TCP11L1: variants seen among roughly 807,000 people sequenced by gnomAD.
TCP11L1 encodes T-complex protein 11-like protein 1.
TCP11L1 carries 28 observed loss-of-function variants against 48.9 expected under a neutral mutation model. The observed-to-expected ratio is 0.57, with a 90% CI of 0.42 to 0.78. The LOEUF is 0.78. TCP11L1 is among the 30% of genes least tolerant of loss of function. The probability of loss-of-function intolerance (pLI) is 0.00; values close to 1 mark genes in which losing one functional copy is unlikely to be tolerated. For synonymous variants in TCP11L1, 204 were observed against 231.9 expected (o/e 0.88, Z 1.09); for missense variants, 505 against 613.4 (o/e 0.82, Z 1.87).
chr11:33,062,315 C>T (rs1055798267), intron 7 of TCP11L1, among the ~76,000 whole-genome samples: 15 of 142,338 alleles, frequency 1.1e-4, no homozygotes, highest in East Asian at 2.3e-4. Flanking sequence ...CTCCCTCCAA[C>T]GCCTGAAGCC....
At chr11:33,067,857 CT>C (rs901160525) in intron 8 of TCP11L1, among the ~76,000 whole-genome samples, 6 of 150,954 alleles carry the variant, frequency 4.0e-5, no homozygotes, top group Admixed American at 1.3e-4. Flanking sequence ...TCCAGGTACT[CT>C]TTTTTTTTAA....
chr11:33,072,825 A>C lies in TCP11L1; in HGVS notation c.*149A>C, dbSNP rs1332854858. On this transcript the variant is annotated 3_prime_UTR_variant, in exon 10 of 10. Transcript: ENST00000334274. The stretch of plus-strand genomic sequence containing the variant: ...GAAGAATATTGTGTATCACTGTTGA[A>C]AAGACTTGTTGAGAAATCCACTGAA... The C allele has an allele frequency of 2.4e-6, 2 of 832,640 alleles. No homozygotes were observed. Among genetic ancestry groups the C allele is most frequent in the Non-Finnish European group, 3.7e-6 (2 of 533,998 alleles). 51.6% of individuals were successfully genotyped at this position (832,640 alleles called of 1,614,324 possible). A position where few individuals can be genotyped will look rare whatever the true frequency, so the allele number is the denominator to read the frequency against.
intron 3 of TCP11L1, chr11:33,056,719 C>T (rs1478254993): frequency 8.4e-6 from 2 of 239,404 alleles, no homozygotes; most frequent in South Asian, 8.7e-5. Flanking sequence ...GCTGGGATTA[C>T]AGGCGTAAGT....
intron 9 of TCP11L1, among the ~76,000 whole-genome samples, chr11:33,071,822 T>C (rs1854798312): frequency 6.6e-6 from 1 of 152,212 alleles, no homozygotes; most frequent in Admixed American, 6.5e-5. Flanking sequence ...CTTCCTTTAC[T>C]CACTCATGCA....
At position 33,043,733 on chromosome 11, in the gene TCP11L1, GTTTT is replaced by G. The variant is rs748222497; in HGVS notation, c.-24-13_-24-10del. ...AGAATACTTTTAGTTCTTTTTTTTT[GTTTT>G]TTTCTTTCCTAGGAAAGTGAATAAA... On this transcript the variant is annotated splice_polypyrimidine_tract_variant and intron_variant, in intron 1 of 9. Coordinates refer to ENST00000334274, the MANE Select transcript of TCP11L1 (RefSeq NM_018393.4). The G allele has an allele frequency of 6.5e-7, 1 of 1,549,996 alleles. No homozygotes were observed. The highest frequency in any genetic ancestry group is 1.4e-5 in the African/African-American group (1 of 71,244).
intron 8 of TCP11L1, among the ~76,000 whole-genome samples, chr11:33,067,265 A>G (rs918715227): frequency 1.3e-5 from 2 of 152,166 alleles, no homozygotes; most frequent in African/African-American, 4.8e-5. Context: ...CCTATAGAAT[A>G]TCTTTGAGTG....
At position 33,073,260 on chromosome 11, in the gene TCP11L1, T is replaced by C. The variant is rs1854848944; in HGVS notation, c.*584T>C. On this transcript the variant is annotated 3_prime_UTR_variant, in exon 10 of 10. Transcript: ENST00000334274. ...AGTTATTTGTCTCTCTCTCTTTTTTTTTTTACTTTCTTTTTTGTATTTAAA... is the reference window on the plus strand; with the variant it reads ...AGTTATTTGTCTCTCTCTCTTTTTTCTTTTACTTTCTTTTTTGTATTTAAA... 1 of 152,892 alleles carries C rather than the reference T, an allele frequency of 6.5e-6. No homozygotes were observed. Among genetic ancestry groups the C allele is most frequent in the Non-Finnish European group, 1.5e-5 (1 of 68,546 alleles). 9.5% of individuals were successfully genotyped at this position (152,892 alleles called of 1,614,324 possible). A position where few individuals can be genotyped will look rare whatever the true frequency, so the allele number is the denominator to read the frequency against.
At chr11:33,044,068 A>C in intron 2 of TCP11L1, 132 bp downstream of exon 2, 2 of 893,454 alleles carry the variant, frequency 2.2e-6, no homozygotes, top group Non-Finnish European at 3.2e-6. Context: ...GCATTTAGGA[A>C]TAATAGCAGT....
chr11:33,068,093 AT>A (rs1380001977), intron 8 of TCP11L1, among the ~76,000 whole-genome samples: 2 of 151,582 alleles, frequency 1.3e-5, no homozygotes, highest in African/African-American at 4.8e-5. Context: ...ATCTTTTTGT[AT>A]TTTTAGTAGA....
chr11:33,062,082 AAAAAT>A (rs1303166134), intron 7 of TCP11L1, among the ~76,000 whole-genome samples: 1 of 152,210 alleles, frequency 6.6e-6, no homozygotes, highest in Non-Finnish European at 1.5e-5. Context: ...CTCTGTCTCA[AAAAAT>A]AAAAATAAAT....
Position 33,043,947 on chromosome 11 carries a change from T to C in TCP11L1, c.163+11T>C. 1 of 1,581,586 alleles carries C rather than the reference T, an allele frequency of 6.3e-7. No homozygotes were observed. The highest frequency in any genetic ancestry group is 1.2e-5 in the South Asian group (1 of 85,032). ...TGCAGAGACCTCACTGTAAGCAAAT[T>C]TGACTTTGGTTAGATGCAATATTGT... On this transcript the variant is annotated intron_variant, in intron 2 of 9. Coordinates refer to ENST00000334274, the MANE Select transcript of TCP11L1 (RefSeq NM_018393.4).
At chr11:33,071,368 G>A (rs1263341277) in intron 9 of TCP11L1, among the ~76,000 whole-genome samples, 1 of 152,182 alleles carries the variant, frequency 6.6e-6, no homozygotes, top group East Asian at 1.9e-4. Context: ...GTTTCTGTCT[G>A]TGTTGTGAGG....
chr11:33,068,882 G>C, intron 9 of TCP11L1, 23 bp downstream of exon 9: 3 of 1,603,418 alleles, frequency 1.9e-6, no homozygotes, highest in Non-Finnish European at 2.6e-6. Context: ...AAGGCAGGCA[G>C]CAGGGATGTG....
At chr11:33,042,815 C>G (rs959121546) in intron 1 of TCP11L1, among the ~76,000 whole-genome samples, 1 of 152,156 alleles carries the variant, frequency 6.6e-6, no homozygotes, top group Non-Finnish European at 1.5e-5. Context: ...CGCCTGTAAT[C>G]CCAGCACTTT....
chr11:33,073,374 A>G lies in TCP11L1; in HGVS notation c.*698A>G, dbSNP rs1854852914. The G allele has an allele frequency of 6.7e-6, 1 of 149,874 alleles. No homozygotes were observed. Among genetic ancestry groups the G allele is most frequent in the Non-Finnish European group, 1.5e-5 (1 of 66,692 alleles). The allele number at this position is 149,874 out of a possible 1,614,324, so 9.3% of individuals were successfully genotyped here. A position where few individuals can be genotyped will look rare whatever the true frequency, so the allele number is the denominator to read the frequency against. ...AAAATTACTCCTGCATCTGGTTGAG[A>G]GCAGTTATGACTTATGAGATCTAGT... is the stretch of plus-strand genomic sequence containing the variant. On this transcript the variant is annotated 3_prime_UTR_variant, in exon 10 of 10. Coordinates refer to ENST00000334274, the MANE Select transcript of TCP11L1 (RefSeq NM_018393.4).
chr11:33,066,159 T>A, intron 8 of TCP11L1, 148 bp downstream of exon 8: 1 of 1,017,794 alleles, frequency 9.8e-7, no homozygotes. Flanking sequence ...TTGGTTCACT[T>A]GGCGAAGACC....
chr11:33,047,401 C>A (rs1854030528), intron 2 of TCP11L1, among the ~76,000 whole-genome samples: 1 of 152,198 alleles, frequency 6.6e-6, no homozygotes, highest in Non-Finnish European at 1.5e-5. Context: ...TCTCTAAAAT[C>A]TTCTACTACT....
chr11:33,047,836 C>T (rs1324517682), intron 2 of TCP11L1, among the ~76,000 whole-genome samples: 3 of 152,178 alleles, frequency 2.0e-5, no homozygotes, highest in Non-Finnish European at 4.4e-5. Context: ...AATCTGTACC[C>T]TGGTTTTACT....
chr11:33,058,573 T>C (rs1854382691), intron 5 of TCP11L1, among the ~76,000 whole-genome samples: 1 of 151,552 alleles, frequency 6.6e-6, no homozygotes, highest in Admixed American at 6.6e-5. Context: ...ATTTGTAAAA[T>C]GCAGAAAAGT....
Sources: allele counts gnomAD v4.1 joint callset (sites outside exome capture counted in the v4.1 genomes callset), GRCh38; gene constraint gnomAD v4.1.1; transcripts MANE v1.5; gene names NCBI Gene and HGNC (gene_info 2026-07-23, HGNC 2026-07-21).